Variants in SLC26A7 observed in about 807,000 individuals in gnomAD.
SLC26A7 encodes the protein solute carrier family 26 member 7, also known as anion exchange transporter.
In SLC26A7, 59 loss-of-function variants were observed where a neutral mutation model predicts 82.5. The ratio of observed to expected loss-of-function variants is 0.72; its 90% CI spans 0.58 to 0.89. The LOEUF is 0.89. SLC26A7 is among the 40% of genes least tolerant of loss of function. The probability of loss-of-function intolerance (pLI) is 0.00; values close to 1 mark genes in which losing one functional copy is unlikely to be tolerated. For synonymous variants in SLC26A7, 271 were observed against 274.3 expected, an observed-to-expected ratio of 0.99 and a Z score of 0.12; for missense variants, 820 against 793.0, an observed-to-expected ratio of 1.03 and a Z score of -0.41.
At chr8:91,335,730 A>T (rs2130833067) in intron 6 of SLC26A7, among the ~76,000 whole-genome samples, 1 of 152,332 alleles carries the variant, frequency 6.6e-6, no homozygotes, top group South Asian at 2.1e-4. Flanking sequence ...TACCAATGCA[A>T]GCCCAAATAC....
At chr8:91,298,900 C>T (rs1337694500) in intron 4 of SLC26A7, among the ~76,000 whole-genome samples, 4 of 152,140 alleles carry the variant, frequency 2.6e-5, no homozygotes, top group Non-Finnish European at 5.9e-5. Flanking sequence ...TTATGTTAGA[C>T]ATTGTTAAAT....
rs1813296482 is a variant in SLC26A7, at chr8:91,338,161, A to C, written c.807A>C (p.Ala269=). ...ATGGAACCACACAGATTATTGCTGC[A>C]TCATTTGCTTGTTATTGCACCAATA... is the stretch of plus-strand genomic sequence containing the variant. ...LPVDLVLIIA[A]SFACYCTNME... is the part of the protein sequence containing the mutation. The change falls in exon 7 of 19, where the codon GCA becomes GCC. Residue 269 remains alanine, a synonymous_variant. Transcript: ENST00000276609. 6.2e-7 allele frequency: 1 copy of C among 1,609,256 alleles called. No homozygotes were observed. The highest frequency in any genetic ancestry group is 1.3e-5 in the African/African-American group (1 of 74,680).
intron 4 of SLC26A7, among the ~76,000 whole-genome samples, chr8:91,297,724 T>C (rs1174293820): frequency 6.6e-6 from 1 of 152,206 alleles, no homozygotes; most frequent in African/African-American, 2.4e-5. Context: ...CTTTAGGATT[T>C]AGCTGCTCAG....
chr8:91,356,476 C>T (rs1290780190), intron 11 of SLC26A7, among the ~76,000 whole-genome samples: 1 of 152,070 alleles, frequency 6.6e-6, no homozygotes, highest in East Asian at 1.9e-4. Flanking sequence ...TCTCTGATGG[C>T]CAGTGATGAT....
chr8:91,341,478 C>T (rs571819572), intron 8 of SLC26A7, among the ~76,000 whole-genome samples: 24 of 152,270 alleles, frequency 1.6e-4, no homozygotes, highest in Admixed American at 7.2e-4. Flanking sequence ...TTACGAATAT[C>T]GAACTACCTG....
rs530515817 is a variant in SLC26A7 at position 91,395,231 on chromosome 8, T to C, written c.*134T>C. On this transcript the variant is annotated 3_prime_UTR_variant, in exon 19 of 19. Transcript: ENST00000276609. ...CTACAATAAGTACGATGTGACTTAG[T>C]AACTGCATAGCAGTTGGAAAGAACT... The C allele has an allele frequency of 6.7e-7, 1 of 1,493,226 alleles. No individual in the cohort carries two copies. Among genetic ancestry groups the C allele is most frequent in the African/African-American group, 1.4e-5 (1 of 71,156 alleles). The allele number at this position is 1,493,226 out of a possible 1,614,324, so 92.5% of individuals were successfully genotyped here. A position where few individuals can be genotyped will look rare whatever the true frequency, so the allele number is the denominator to read the frequency against.
chr8:91,258,829 G>T (rs1295752808), intron 2 of SLC26A7, among the ~76,000 whole-genome samples: 1 of 152,032 alleles, frequency 6.6e-6, no homozygotes, highest in Non-Finnish European at 1.5e-5. Context: ...CTGCTAGTTA[G>T]GATGTCTCTC....
At chr8:91,388,177 C>T (rs1814849463) in intron 15 of SLC26A7, among the ~76,000 whole-genome samples, 1 of 152,174 alleles carries the variant, frequency 6.6e-6, no homozygotes, top group Non-Finnish European at 1.5e-5. Context: ...GTTGCCCAGA[C>T]TGGAGTGCAG....
intron 4 of SLC26A7, among the ~76,000 whole-genome samples, chr8:91,309,977 T>G (rs941522302): frequency 1.3e-5 from 2 of 152,158 alleles, no homozygotes; most frequent in African/African-American, 4.8e-5. Flanking sequence ...CCATTTTGCC[T>G]CTGAATATGC....
rs1810482018 is a variant in SLC26A7 at position 91,242,032 on chromosome 8, AAT to A, written c.-33-7583_-33-7582del. Among the ~76,000 whole-genome samples the A allele has an allele frequency of 2.0e-5, 3 of 152,200 alleles. No individual in the cohort carries two copies. In the South Asian group the frequency reaches 6.2e-4, roughly 32 times the overall value. ...TTTTTTAGACTTATCCCTTTGGAAC[AAT>A]ATAGGCTGTATGGAGTATTTTAGCC... On this transcript the variant is annotated intron_variant, in intron 2 of 5. Transcript: ENST00000522862.
chr8:91,288,611 G>A (rs551541720), intron 2 of SLC26A7, among the ~76,000 whole-genome samples: 3 of 94,762 alleles, frequency 3.2e-5, no homozygotes, highest in Admixed American at 1.8e-4. Flanking sequence ...TTTATTCATC[G>A]GCCCTACTGC....
chr8:91,310,820 C>T (rs928121841), intron 4 of SLC26A7, among the ~76,000 whole-genome samples: 1 of 150,762 alleles, frequency 6.6e-6, no homozygotes, highest in African/African-American at 2.5e-5. Context: ...ACACAAGACC[C>T]GGAAGCATGC....
Position 91,249,758 on chromosome 8 carries a change from A to G in SLC26A7, c.107A>G (p.Asp36Gly). The G allele has an allele frequency of 1.9e-6, 3 of 1,612,752 alleles. No individual in the cohort carries two copies. The highest frequency in any genetic ancestry group is 2.5e-6 in the Non-Finnish European group (3 of 1,179,284). ...QWCRRRLPIL[D>G]WAPHYNLKEN... is the part of the protein sequence containing the mutation. ...TGTAGAAGGCGACTGCCCATTTTGG[A>G]TTGGGCACCACATTACAATCTGAAA... The change falls in exon 2 of 19, where the codon GAT becomes GGT. Residue 36 changes from aspartate (D) to glycine (G), a missense_variant. Asp to Gly is a moderately conservative substitution (Grantham distance 94). Coordinates refer to ENST00000276609, the MANE Select transcript of SLC26A7 (RefSeq NM_052832.4).
intron 2 of SLC26A7, among the ~76,000 whole-genome samples, chr8:91,226,630 T>C (rs181629839): frequency 8.5e-5 from 13 of 152,370 alleles, no homozygotes; most frequent in African/African-American, 3.1e-4. Context: ...TGAACAAAAC[T>C]GGCAGGGCCC....
chr8:91,278,713 G>A (rs1811473342), intron 2 of SLC26A7, among the ~76,000 whole-genome samples: 1 of 151,966 alleles, frequency 6.6e-6, no homozygotes, highest in South Asian at 2.1e-4. Flanking sequence ...GCTAAATCAA[G>A]CTAATTAACA....
chr8:91,387,324 T>C (rs1814827713), intron 15 of SLC26A7, among the ~76,000 whole-genome samples: 1 of 152,210 alleles, frequency 6.6e-6, no homozygotes, highest in Non-Finnish European at 1.5e-5. Flanking sequence ...TGAATGATAG[T>C]GATTACAGTT....
chr8:91,267,474 T>G (rs1811145477), intron 2 of SLC26A7, among the ~76,000 whole-genome samples: 1 of 151,992 alleles, frequency 6.6e-6, no homozygotes, highest in Non-Finnish European at 1.5e-5. Flanking sequence ...TATTTCTTCA[T>G]GATTCAATCT....
intron 9 of SLC26A7, among the ~76,000 whole-genome samples, chr8:91,348,930 A>T (rs987727184): frequency 6.6e-5 from 10 of 152,336 alleles, no homozygotes; most frequent in African/African-American, 1.9e-4. Context: ...ATACACTGCA[A>T]ATATTTGATC....
At position 91,292,956 on chromosome 8, in the gene SLC26A7, G is replaced by A. The variant is rs147868347; in HGVS notation, c.305-2575G>A. Among the ~76,000 whole-genome samples the A allele has an allele frequency of 1.6e-3, 245 of 152,232 alleles. 3 individuals are homozygous for A. The highest frequency in any genetic ancestry group is 5.8e-3 in the African/African-American group (241 of 41,548). On this transcript the variant is annotated intron_variant, in intron 3 of 18. Transcript: ENST00000276609. ...TTAACAATTTAGAGAGGATATTGTGGAGACTATATAAGGCACTTTTCAGAA... is the reference window on the plus strand; with the variant it reads ...TTAACAATTTAGAGAGGATATTGTGAAGACTATATAAGGCACTTTTCAGAA...
Sources: gnomAD v4.1 joint callset for allele counts (sites outside exome capture counted in the v4.1 genomes callset) on GRCh38, gnomAD v4.1.1 for gene constraint, MANE v1.5 for transcripts, NCBI Gene and HGNC (gene_info 2026-07-23, HGNC 2026-07-21) for gene names.